Variants in NRG4 observed in about 807,000 individuals in gnomAD.
The protein encoded by NRG4 is neuregulin 4.
Under a neutral mutation model 15.0 loss-of-function variants are expected in NRG4, and 10 were observed. That is an observed-to-expected ratio of 0.67 (90% CI 0.41 to 1.13). The LOEUF (loss-of-function observed/expected upper bound fraction) is 1.13, where lower values mean the gene tolerates loss of function less well. Among genes scored for constraint, NRG4 ranks in the 50% most tolerant of loss-of-function variants. The pLI is 0.00. For missense variants in NRG4, 139 were observed against 140.2 expected, an observed-to-expected ratio of 0.99 and a Z score of 0.04; for synonymous variants, 41 against 50.1, an observed-to-expected ratio of 0.82 and a Z score of 0.77.
intron 5 of NRG4, among the ~76,000 whole-genome samples, chr15:76,023,179 C>CAT (rs2035211962): frequency 8.1e-6 from 1 of 123,968 alleles, no homozygotes; most frequent in Admixed American, 7.7e-5. Context: ...CACACACACA[C>CAT]ACACAAGCAA....
intron 3 of NRG4, among the ~76,000 whole-genome samples, chr15:75,974,508 G>C (rs191427844): frequency 2.7e-4 from 41 of 152,118 alleles, no homozygotes; most frequent in African/African-American, 9.9e-4. Flanking sequence ...GCTATAAATT[G>C]CCCTCTAAAC....
At chr15:76,048,849 A>G (rs1354576150) in intron 4 of NRG4, among the ~76,000 whole-genome samples, 1 of 150,720 alleles carries the variant, frequency 6.6e-6, no homozygotes, top group East Asian at 1.9e-4. Context: ...GTTCGAGACC[A>G]GCCTGGCCAA....
At chr15:76,003,952 A>G (rs939246063) in intron 3 of NRG4, among the ~76,000 whole-genome samples, 1 of 152,238 alleles carries the variant, frequency 6.6e-6, no homozygotes. Flanking sequence ...ACATGGTGAA[A>G]TAAAGATATC....
intron 1 of NRG4, among the ~76,000 whole-genome samples, chr15:76,058,454 G>A (rs537154879): frequency 6.7e-6 from 1 of 149,062 alleles, no homozygotes; most frequent in South Asian, 2.1e-4. Flanking sequence ...GATACTCCCT[G>A]TATAGATATT....
downstream of NRG4, chr15:75,937,989 A>G (rs572561136): frequency 9.2e-5 from 14 of 152,362 alleles, no homozygotes; most frequent in Admixed American, 7.8e-4. Flanking sequence ...GGGGGATTTA[A>G]AATGCGACAT....
chr15:76,010,261 CT>C (rs1445436186), intron 2 of NRG4, among the ~76,000 whole-genome samples: 1 of 152,028 alleles, frequency 6.6e-6, no homozygotes. Flanking sequence ...TTGCTTTAAA[CT>C]TGTACATTGT....
intron 3 of NRG4, among the ~76,000 whole-genome samples, chr15:75,997,121 TG>T (rs1460169246): frequency 2.6e-5 from 4 of 152,150 alleles, no homozygotes; most frequent in Admixed American, 6.5e-5. Context: ...GAAAAAAATA[TG>T]TAAACTAAAT....
chr15:75,993,526 C>A (rs573994657), intron 3 of NRG4, among the ~76,000 whole-genome samples: 7 of 151,562 alleles, frequency 4.6e-5, no homozygotes, highest in African/African-American at 1.7e-4. Flanking sequence ...ATGGTGAAAC[C>A]TCGACTCTAC....
At chr15:76,018,622 C>T (rs772903547) in intron 5 of NRG4, among the ~76,000 whole-genome samples, 9 of 151,678 alleles carry the variant, frequency 5.9e-5, no homozygotes, top group Non-Finnish European at 1.5e-5. Context: ...TGGAGGTTCA[C>T]TCCAGACCCT....
At chr15:76,010,252 T>G (rs1261346812) in intron 2 of NRG4, among the ~76,000 whole-genome samples, 1 of 152,162 alleles carries the variant, frequency 6.6e-6, no homozygotes, top group Non-Finnish European at 1.5e-5. Context: ...GAAATTACAT[T>G]GCTTTAAACT....
At chr15:76,038,689 G>A (rs113971289) in intron 4 of NRG4, among the ~76,000 whole-genome samples, 10 of 152,276 alleles carry the variant, frequency 6.6e-5, no homozygotes, top group South Asian at 2.1e-4. Context: ...GGAACTTGCC[G>A]CCCTGAAGGG....
At chr15:76,050,190 A>T (rs756715315) in intron 4 of NRG4, among the ~76,000 whole-genome samples, 1 of 150,968 alleles carries the variant, frequency 6.6e-6, no homozygotes, top group Non-Finnish European at 1.5e-5. Flanking sequence ...TGATGGGTGT[A>T]TAAGTGGTAG....
intron 1 of NRG4, among the ~76,000 whole-genome samples, chr15:76,011,592 A>G (rs953678967): frequency 2.7e-4 from 41 of 152,344 alleles, no homozygotes; most frequent in African/African-American, 9.4e-4. Flanking sequence ...AAACATTGTT[A>G]ACATAGTAGA....
intron 3 of NRG4, among the ~76,000 whole-genome samples, chr15:75,997,427 A>G (rs1263819976): frequency 6.6e-6 from 1 of 151,998 alleles, no homozygotes; most frequent in African/African-American, 2.4e-5. Flanking sequence ...CTCGAGAAAC[A>G]TTTTTGAGTA....
chr15:75,955,808 AAC>A, intron 5 of NRG4, 122 bp downstream of exon 5: 5 of 493,300 alleles, frequency 1.0e-5, no homozygotes, highest in Admixed American at 3.7e-5. Context: ...AAAAAAAAAA[AAC>A]CCATAGAAAA....
intron 4 of NRG4, among the ~76,000 whole-genome samples, chr15:76,051,627 T>C (rs983144482): frequency 1.4e-5 from 2 of 148,052 alleles, no homozygotes; most frequent in Non-Finnish European, 3.0e-5. Flanking sequence ...GCTGTGGCAC[T>C]ATCTCGGCTC....
At chr15:76,003,912 C>T (rs2034502719) in intron 3 of NRG4, among the ~76,000 whole-genome samples, 1 of 152,030 alleles carries the variant, frequency 6.6e-6, no homozygotes, top group South Asian at 2.1e-4. Context: ...ATCACTTGAC[C>T]TGTTCTGCAA....
chr15:76,031,652 T>C (rs2035474261), intron 5 of NRG4, among the ~76,000 whole-genome samples: 2 of 152,158 alleles, frequency 1.3e-5, no homozygotes, highest in Admixed American at 1.3e-4. Flanking sequence ...ATTGCACCAC[T>C]GCACTCCAGC....
downstream of NRG4, chr15:75,940,324 T>A (rs2030815078): frequency 6.6e-6 from 1 of 151,628 alleles, no homozygotes; most frequent in Non-Finnish European, 1.5e-5. Flanking sequence ...CTACAAAACA[T>A]TGCTTCAATA....
Sources: gnomAD v4.1 joint callset for allele counts (sites outside exome capture counted in the v4.1 genomes callset) on GRCh38, gnomAD v4.1.1 for gene constraint, MANE v1.5 for transcripts, NCBI Gene and HGNC (gene_info 2026-07-23, HGNC 2026-07-21) for gene names.